Variants in GRM7 observed in about 807,000 individuals in gnomAD.
The protein encoded by GRM7 is glutamate metabotropic receptor 7, also known as metabotropic glutamate receptor 7.
GRM7 carries 35 observed loss-of-function variants against 84.5 expected under a neutral mutation model. That is an observed-to-expected ratio of 0.41 (90% CI 0.32 to 0.55). The LOEUF (loss-of-function observed/expected upper bound fraction) is 0.55, where lower values mean the gene tolerates loss of function less well. Ranked by LOEUF, GRM7 falls within the 20% of genes least tolerant of loss-of-function variation. The pLI is 0.19. For missense variants in GRM7, 1,003 were observed against 1,194.6 expected (o/e 0.84, Z 2.36); for synonymous variants, 487 against 455.1 (o/e 1.07, Z -0.89).
chr3:7,226,441 A>G (rs972585019), intron 2 of GRM7, among the ~76,000 whole-genome samples: 3 of 152,156 alleles, frequency 2.0e-5, no homozygotes, highest in South Asian at 2.1e-4. Context: ...ACAGTTCCCT[A>G]TCGTGTTGTC....
At chr3:7,489,852 A>G (rs951417450) in intron 7 of GRM7, among the ~76,000 whole-genome samples, 1 of 151,954 alleles carries the variant, frequency 6.6e-6, no homozygotes, top group Non-Finnish European at 1.5e-5. Flanking sequence ...AGAAAACAGC[A>G]TATTATAAAT....
chr3:7,526,935 T>C (rs745860048), intron 7 of GRM7, among the ~76,000 whole-genome samples: 1 of 152,112 alleles, frequency 6.6e-6, no homozygotes, highest in Non-Finnish European at 1.5e-5. Flanking sequence ...TGTAGCCTTA[T>C]AGTATAGTTT....
chr3:6,948,271 T>C lies in GRM7; in HGVS notation c.519+86364T>C, dbSNP rs9842038. On this transcript the variant is annotated intron_variant, in intron 1 of 9. Coordinates refer to ENST00000357716, the MANE Select transcript of GRM7 (RefSeq NM_000844.4). ...TATGTTGTGTCTTTGTTCTCATTGGTTTCAAAGAACATCTTTATTTCTGCC... is the reference window on the plus strand; with the variant it reads ...TATGTTGTGTCTTTGTTCTCATTGGCTTCAAAGAACATCTTTATTTCTGCC... Among the ~76,000 whole-genome samples, 912 of 152,248 alleles carry C rather than the reference T, an allele frequency of 6.0e-3. 10 individuals are homozygous for C. Among genetic ancestry groups the C allele is most frequent in the African/African-American group, 0.021 (872 of 41,534 alleles).
chr3:7,075,689 C>T (rs1379581666), intron 1 of GRM7, among the ~76,000 whole-genome samples: 1 of 151,966 alleles, frequency 6.6e-6, no homozygotes, highest in Non-Finnish European at 1.5e-5. Context: ...CCATGCCCAG[C>T]CAATTTTTGT....
intron 2 of GRM7, among the ~76,000 whole-genome samples, chr3:7,205,405 A>G (rs1372545332): frequency 1.3e-5 from 2 of 152,218 alleles, no homozygotes; most frequent in Non-Finnish European, 1.5e-5. Context: ...ACCGAGTAAC[A>G]TAGACTTCTG....
intron 2 of GRM7, among the ~76,000 whole-genome samples, chr3:7,209,920 A>G (rs62234891): frequency 6.6e-6 from 1 of 152,166 alleles, no homozygotes; most frequent in Non-Finnish European, 1.5e-5. Flanking sequence ...CTCAAGTACA[A>G]GGGGAGAGGG....
At chr3:7,202,487 T>C (rs7613638) in intron 2 of GRM7, among the ~76,000 whole-genome samples, 58,976 of 151,846 alleles carry the variant, frequency 0.39, 13,410 homozygotes, top group African/African-American at 0.65. Context: ...CCTGCCACCA[T>C]ACCCAGCTAA....
At chr3:6,944,802 C>T (rs1183582468) in intron 1 of GRM7, among the ~76,000 whole-genome samples, 1 of 152,018 alleles carries the variant, frequency 6.6e-6, no homozygotes, top group Non-Finnish European at 1.5e-5. Flanking sequence ...ATATCTGGAC[C>T]TGGAGTTTTT....
intron 1 of GRM7, among the ~76,000 whole-genome samples, chr3:6,967,678 G>T (rs546181806): frequency 4.6e-5 from 7 of 152,276 alleles, no homozygotes; most frequent in African/African-American, 1.7e-4. Flanking sequence ...GATGAACAAC[G>T]TTATATATTG....
chr3:7,200,301 C>A (rs1696021787), intron 2 of GRM7, among the ~76,000 whole-genome samples: 1 of 152,170 alleles, frequency 6.6e-6, no homozygotes, highest in South Asian at 2.1e-4. Context: ...GGGAACAAAC[C>A]ACATTCAAAT....
chr3:7,414,771 A>C (rs1329911271), intron 4 of GRM7, among the ~76,000 whole-genome samples: 1 of 151,922 alleles, frequency 6.6e-6, no homozygotes, highest in Non-Finnish European at 1.5e-5. Flanking sequence ...ATTTCTTATA[A>C]CTCTGTTTTC....
At chr3:7,713,114 ATTTTGTTTTGTT>A (rs1701639226) in intron 9 of GRM7, among the ~76,000 whole-genome samples, 1 of 129,854 alleles carries the variant, frequency 7.7e-6, no homozygotes, top group Non-Finnish European at 1.6e-5. Context: ...GAGGATTCGA[ATTTTGTTTTGTT>A]TTTTTTTTTT....
intron 4 of GRM7, among the ~76,000 whole-genome samples, chr3:7,395,921 C>T (rs367608458): frequency 2.8e-4 from 43 of 152,066 alleles, no homozygotes; most frequent in African/African-American, 8.4e-4. Flanking sequence ...AATCTTCTCA[C>T]GCAGATAAAT....
chr3:7,167,423 A>G (rs1411399938), intron 2 of GRM7, among the ~76,000 whole-genome samples: 1 of 152,196 alleles, frequency 6.6e-6, no homozygotes, highest in Non-Finnish European at 1.5e-5. Flanking sequence ...GCCATTTTAT[A>G]GTTAGGCTAG....
At chr3:7,338,081 T>C (rs1701491652) in intron 4 of GRM7, among the ~76,000 whole-genome samples, 1 of 149,750 alleles carries the variant, frequency 6.7e-6, no homozygotes, top group South Asian at 2.1e-4. Flanking sequence ...AGCATACATT[T>C]ATATATTATA....
intron 4 of GRM7, among the ~76,000 whole-genome samples, chr3:7,321,001 T>A (rs533857347): frequency 6.6e-6 from 1 of 152,122 alleles, no homozygotes; most frequent in Non-Finnish European, 1.5e-5. Flanking sequence ...TTTTTTCAGC[T>A]AATGTACCAT....
intron 2 of GRM7, among the ~76,000 whole-genome samples, chr3:7,285,827 G>A (rs1699412456): frequency 6.6e-6 from 1 of 151,946 alleles, no homozygotes; most frequent in South Asian, 2.1e-4. Flanking sequence ...ATTTATTTAT[G>A]ATTTTTTTCC....
intron 8 of GRM7, among the ~76,000 whole-genome samples, chr3:7,634,147 T>C (rs1307285550): frequency 6.6e-6 from 1 of 152,164 alleles, no homozygotes; most frequent in Non-Finnish European, 1.5e-5. Flanking sequence ...CTCAGAATTA[T>C]GCTTGGATGA....
intron 1 of GRM7, among the ~76,000 whole-genome samples, chr3:6,899,313 TAATG>T (rs1247988732): frequency 6.6e-6 from 1 of 152,170 alleles, no homozygotes; most frequent in Non-Finnish European, 1.5e-5. Context: ...AATTAATTCT[TAATG>T]AATCTGTCAG....
Sources: allele counts gnomAD v4.1 joint callset (sites outside exome capture counted in the v4.1 genomes callset), GRCh38; gene constraint gnomAD v4.1.1; transcripts MANE v1.5; gene names NCBI Gene and HGNC (gene_info 2026-07-23, HGNC 2026-07-21).